The following SHISA9 variants were observed in gnomAD, a reference collection of about 807,000 sequenced individuals.
The protein encoded by SHISA9 is shisa family member 9.
A neutral mutation model predicts 38.0 loss-of-function variants in SHISA9; 13 were observed. The observed-to-expected ratio is 0.34, with a 90% CI of 0.22 to 0.54. The LOEUF is 0.54. Ranked by LOEUF, SHISA9 falls within the 20% of genes least tolerant of loss-of-function variation. The pLI is 0.91. For missense variants in SHISA9, 538 were observed against 575.8 expected, an observed-to-expected ratio of 0.93 and a Z score of 0.67; for synonymous variants, 275 against 242.0, an observed-to-expected ratio of 1.14 and a Z score of -1.27.
intron 2 of SHISA9, among the ~76,000 whole-genome samples, chr16:13,070,151 T>C (rs574115273): frequency 7.4e-4 from 98 of 132,498 alleles, no homozygotes; most frequent in African/African-American, 1.9e-3. Context: ...TGTGTGTGTG[T>C]GTGCACGCAT....
chr16:13,157,593 T>C (rs553976563), intron 2 of SHISA9, among the ~76,000 whole-genome samples: 4 of 152,346 alleles, frequency 2.6e-5, no homozygotes, highest in East Asian at 3.9e-4. Context: ...TTCAGTGTTA[T>C]GTGTTGTGAC....
At chr16:13,368,034 C>T in the SHISA9 span, among the ~76,000 whole-genome samples, 2 of 152,126 alleles carry the variant, frequency 1.3e-5, no homozygotes, top group Non-Finnish European at 2.9e-5. Context: ...TTAGGTATAT[C>T]TCCCTCTAAA....
the SHISA9 span, among the ~76,000 whole-genome samples, chr16:13,330,117 T>A: frequency 1.1e-3 from 175 of 152,352 alleles, no homozygotes; most frequent in African/African-American, 4.1e-3. Flanking sequence ...TGGGAATGAC[T>A]ATATGGCCGA....
intron 2 of SHISA9, among the ~76,000 whole-genome samples, chr16:13,116,305 A>G (rs1301566044): frequency 6.6e-6 from 1 of 152,170 alleles, no homozygotes; most frequent in African/African-American, 2.4e-5. Context: ...TCAGTGCCCC[A>G]GGTTCTCATT....
intron 2 of SHISA9, among the ~76,000 whole-genome samples, chr16:12,957,931 G>C (rs560559563): frequency 1.2e-3 from 188 of 152,268 alleles, no homozygotes; most frequent in African/African-American, 4.3e-3. Context: ...AAGGGGGCTC[G>C]ACTTTCAAGA....
intron 2 of SHISA9, among the ~76,000 whole-genome samples, chr16:12,973,710 A>G (rs1366193505): frequency 6.6e-6 from 1 of 152,188 alleles, no homozygotes; most frequent in Non-Finnish European, 1.5e-5. Flanking sequence ...TTCTTAAGAA[A>G]TTTTAAACTA....
At chr16:13,495,943 A>G in the SHISA9 span, among the ~76,000 whole-genome samples, 1 of 152,184 alleles carries the variant, frequency 6.6e-6, no homozygotes, top group Non-Finnish European at 1.5e-5. Context: ...AACCAAACAT[A>G]AAGATTCAGC....
chr16:13,348,430 A>G, the SHISA9 span, among the ~76,000 whole-genome samples: 3 of 151,982 alleles, frequency 2.0e-5, no homozygotes, highest in African/African-American at 4.8e-5. Flanking sequence ...GTTTTGTGCT[A>G]AGCATCTCAC....
At chr16:13,510,886 G>A in the SHISA9 span, among the ~76,000 whole-genome samples, 3 of 152,050 alleles carry the variant, frequency 2.0e-5, no homozygotes, top group South Asian at 6.2e-4. Flanking sequence ...GGGAACCACT[G>A]TAGTAGAAAC....
the SHISA9 span, among the ~76,000 whole-genome samples, chr16:13,366,596 AC>A: frequency 6.6e-6 from 1 of 152,060 alleles, no homozygotes; most frequent in Non-Finnish European, 1.5e-5. Flanking sequence ...TAATCCCAGC[AC>A]TTTGGGAGGC....
chr16:13,357,680 C>G, the SHISA9 span, among the ~76,000 whole-genome samples: 3 of 151,790 alleles, frequency 2.0e-5, no homozygotes, highest in Non-Finnish European at 2.9e-5. Context: ...AGAGAGTCAG[C>G]GAAGGGACAT....
intron 2 of SHISA9, among the ~76,000 whole-genome samples, chr16:13,074,956 G>A (rs1050041102): frequency 5.3e-5 from 8 of 152,096 alleles, no homozygotes; most frequent in African/African-American, 1.9e-4. Context: ...GAGCCACCGT[G>A]CCTGGCCATT....
chr16:13,466,101 A>G, the SHISA9 span, among the ~76,000 whole-genome samples: 1 of 152,168 alleles, frequency 6.6e-6, no homozygotes, highest in South Asian at 2.1e-4. Flanking sequence ...CAAAATTTGT[A>G]CTTCCTGTTC....
At chr16:13,418,071 C>T in the SHISA9 span, among the ~76,000 whole-genome samples, 1 of 152,148 alleles carries the variant, frequency 6.6e-6, no homozygotes, top group Admixed American at 6.5e-5. Context: ...TCAACAGACA[C>T]CTGTCATGTT....
chr16:13,485,796 C>T, the SHISA9 span, among the ~76,000 whole-genome samples: 1 of 152,190 alleles, frequency 6.6e-6, no homozygotes, highest in East Asian at 1.9e-4. Context: ...CTCCACACTG[C>T]CTTTTCTTCC....
At chr16:13,306,175 G>A in the SHISA9 span, among the ~76,000 whole-genome samples, 16 of 152,260 alleles carry the variant, frequency 1.1e-4, no homozygotes, top group Non-Finnish European at 2.2e-4. Context: ...GCAAGAGATG[G>A]GAAGCAAGAC....
At chr16:12,903,580 C>G (rs1243017612) in intron 1 of SHISA9, among the ~76,000 whole-genome samples, 1 of 152,038 alleles carries the variant, frequency 6.6e-6, no homozygotes, top group Non-Finnish European at 1.5e-5. Context: ...AGGCGGAGGA[C>G]GCAGCCACTA....
the SHISA9 span, among the ~76,000 whole-genome samples, chr16:13,503,216 G>A: frequency 6.6e-6 from 1 of 152,172 alleles, no homozygotes; most frequent in Non-Finnish European, 1.5e-5. Flanking sequence ...AGTTTGCTGG[G>A]AGCATAGTGA....
chr16:12,925,106 G>A (rs1337386591), intron 2 of SHISA9, among the ~76,000 whole-genome samples: 4 of 152,222 alleles, frequency 2.6e-5, no homozygotes, highest in Non-Finnish European at 4.4e-5. Flanking sequence ...TTGTGCAGTT[G>A]TCTTCACAGT....
Sources: allele counts gnomAD v4.1 joint callset (sites outside exome capture counted in the v4.1 genomes callset), GRCh38; gene constraint gnomAD v4.1.1; transcripts MANE v1.5; gene names NCBI Gene and HGNC (gene_info 2026-07-23, HGNC 2026-07-21).